The following CDSN variants were observed in gnomAD, a reference collection of about 807,000 sequenced individuals.
CDSN encodes the protein corneodesmosin.
CDSN carries 11 observed loss-of-function variants against 25.6 expected under a neutral mutation model. The observed-to-expected ratio is 0.43, with a 90% CI of 0.27 to 0.71. CDSN has a LOEUF of 0.71. Among genes scored for constraint, CDSN ranks in the 30% least tolerant of loss-of-function variants. The probability of loss-of-function intolerance (pLI) is 0.20; values close to 1 mark genes in which losing one functional copy is unlikely to be tolerated. For synonymous variants in CDSN, 266 were observed against 267.4 expected (o/e 0.99, Z 0.05); for missense variants, 598 against 670.9 (o/e 0.89, Z 1.20).
At chr6:31,119,907 CA>C (rs34300678) in intron 1 of CDSN, among the ~76,000 whole-genome samples, 114,452 of 150,828 alleles carry the variant, frequency 0.76, 43,665 homozygotes, top group South Asian at 0.83. Context: ...CTCCATCTCA[CA>C]AAAAAAAATA....
chr6:31,117,612 C>T (rs1245072839), intron 1 of CDSN, 83 bp from the exon 2 acceptor site: 1 of 1,203,686 alleles, frequency 8.3e-7, no homozygotes. Context: ...AGTCATCGGC[C>T]TCTCGGGTTT....
Position 31,116,416 on chromosome 6 carries a change from C to T in CDSN, c.1199G>A (p.Ser400Asn). 6.3e-7 allele frequency: 1 copy of T among 1,593,346 alleles called. No individual in the cohort carries two copies. The highest frequency in any genetic ancestry group is 1.8e-5 in the Admixed American group (1 of 55,396). The change falls in exon 2 of 2, where the codon AGC becomes AAC. Residue 400 changes from serine to asparagine, a missense_variant. Physicochemically the swap from Ser to Asn is conservative, Grantham distance 46. Transcript: ENST00000376288. ...PCSPSSSRVP[S>N]SSSISSSSGL... is the part of the protein sequence containing the mutation. ...GGAGCTGCTGGAAATGCTAGAACTG[C>T]TGGGGACTCGAGAACTGGAGGGAGA...
At position 31,117,518 on chromosome 6, in the gene CDSN, T is replaced by C; in HGVS notation, c.97A>G (p.Lys33Glu). 6.4e-7 allele frequency: 1 copy of C among 1,550,524 alleles called. No homozygotes were observed. The highest frequency in any genetic ancestry group is 8.7e-7 in the Non-Finnish European group (1 of 1,147,222). Residue 33 changes from lysine to glutamate, a missense_variant, in exon 2 of 2, where the codon AAG (lysine) becomes GAG (glutamate). Coordinates refer to ENST00000376288, the MANE Select transcript of CDSN (RefSeq NM_001264.5). ...AGLLLPGTLAKSIGTFSDPCK... is the reference protein window; with the variant it reads ...AGLLLPGTLAESIGTFSDPCK... ...GGGTCTGAGAAGGTGCCAATGCTCT[T>C]AGCCAAGGTCCCTGTGGAGGAAAGC...
chr6:31,116,922 G>A lies in CDSN; in HGVS notation c.693C>T (p.Pro231=), dbSNP rs762559877. The A allele has an allele frequency of 1.2e-6, 2 of 1,614,166 alleles. No individual in the cohort carries two copies. The highest frequency in any genetic ancestry group is 2.2e-5 in the South Asian group (2 of 91,086). Residue 231 remains proline (P), a synonymous_variant, in exon 2 of 2, where the codon CCC becomes CCT. Transcript: ENST00000376288. Reference sequence around the variant, plus strand: ...TGTAGGGGCCGGAGTGCGAGACGATGGGCCCTCCACTGCAGGGAGAGTCGG... The same window carrying A: ...TGTAGGGGCCGGAGTGCGAGACGATAGGCCCTCCACTGCAGGGAGAGTCGG... ...DIPDSPCSGG[P]IVSHSGPYIP... is the part of the protein sequence containing the mutation.
chr6:31,117,662 A>G, intron 1 of CDSN, 133 bp from the exon 2 acceptor site: 1 of 757,518 alleles, frequency 1.3e-6, no homozygotes, highest in Non-Finnish European at 2.3e-6. Context: ...GGATGGAGAA[A>G]GGAGGAAGAA....
At chr6:31,119,733 A>G (rs550731606) in intron 1 of CDSN, among the ~76,000 whole-genome samples, 1 of 140,422 alleles carries the variant, frequency 7.1e-6, no homozygotes, top group Non-Finnish European at 1.6e-5. Flanking sequence ...CCCTGTTTCT[A>G]CTAAAAATAC....
intron 1 of CDSN, among the ~76,000 whole-genome samples, chr6:31,119,081 C>T (rs181694936): frequency 3.0e-4 from 45 of 151,980 alleles, no homozygotes; most frequent in African/African-American, 1.0e-3. Context: ...TAACCTCAGG[C>T]GATTCACCTG....
intron 1 of CDSN, chr6:31,118,828 T>C (rs906874438): frequency 3.0e-5 from 4 of 132,030 alleles, no homozygotes; most frequent in African/African-American, 1.1e-4. Flanking sequence ...CACCTGGAAG[T>C]TTTTTCTTCT....
intron 1 of CDSN, among the ~76,000 whole-genome samples, chr6:31,119,435 G>A (rs1019296226): frequency 2.0e-5 from 3 of 152,182 alleles, no homozygotes; most frequent in African/African-American, 7.2e-5. Context: ...AGTACCCGGT[G>A]GTCAACAACA....
chr6:31,116,868 A>T lies in CDSN; in HGVS notation c.747T>A (p.Gly249=), dbSNP rs1391503242. The stretch of plus-strand genomic sequence containing the variant: ...CCACCACCACCACCACAGGCCTCTG[A>T]CCCCCTGACACAGAGTGGGAGCTGG... The part of the protein sequence containing the change: ...YIPSSHSVSG[G]QRPVVVVVDQ... Residue 249 remains glycine, a synonymous_variant, in exon 2 of 2, where the codon GGT becomes GGA. Transcript: ENST00000376288. 6.2e-7 allele frequency: 1 copy of T among 1,613,268 alleles called. No homozygotes were observed. The highest frequency in any genetic ancestry group is 8.5e-7 in the Non-Finnish European group (1 of 1,179,786).
At position 31,116,483 on chromosome 6, in the gene CDSN, G is replaced by A. The variant is rs1415563407; in HGVS notation, c.1132C>T (p.Gln378Ter). The change falls in exon 2 of 2, where the codon CAG (glutamine) becomes TAG (stop). Residue 378 changes from glutamine (Q) to a stop codon, truncating the protein, a stop_gained. Transcript: ENST00000376288. LOFTEE classifies it high-confidence loss of function. ...AFQPVGTGGV[Q>*]LCGGGSTGSK... ...CCCGTGGAGCCGCCTCCACAGAGCTGGACCCCACCAGTCCCCACTGGCTGG... is the reference window on the plus strand; with the variant it reads ...CCCGTGGAGCCGCCTCCACAGAGCTAGACCCCACCAGTCCCCACTGGCTGG... The A allele has an allele frequency of 1.2e-6, 2 of 1,605,880 alleles. No homozygotes were observed. The highest frequency in any genetic ancestry group is 1.7e-5 in the Admixed American group (1 of 58,320).
Position 31,116,139 on chromosome 6 carries a change from T to C in CDSN, c.1476A>G (p.Gly492=), listed in dbSNP as rs1313661661. The C allele has an allele frequency of 6.2e-7, 1 of 1,611,190 alleles. No homozygotes were observed. The highest frequency in any genetic ancestry group is 2.2e-5 in the East Asian group (1 of 44,818). The part of the protein sequence containing the change: ...GAKPCGSSSA[G]KIPCRSIRDI... ...CCCGGATGGAGCGGCAGGGGATCTT[T>C]CCAGCACTGCTGGAGCCACAGGGCT... Residue 492 remains glycine (G), a synonymous_variant, in exon 2 of 2, where the codon GGA becomes GGG. Coordinates refer to ENST00000376288, the MANE Select transcript of CDSN (RefSeq NM_001264.5).
chr6:31,120,270 G>A (rs149867417), intron 1 of CDSN, 65 bp downstream of exon 1: 54 of 1,283,546 alleles, frequency 4.2e-5, no homozygotes, highest in Non-Finnish European at 5.2e-5. Context: ...TGTCCCCTTC[G>A]CTGGGTCCTC....
chr6:31,116,486 C>A lies in CDSN; in HGVS notation c.1129G>T (p.Val377Phe). The change falls in exon 2 of 2, where the codon GTC (valine) becomes TTC (phenylalanine). Residue 377 changes from valine (V) to phenylalanine (F), a missense_variant. By Grantham distance (50) the Val-to-Phe change is conservative. Transcript: ENST00000376288. ...IAFQPVGTGGVQLCGGGSTGS... is the reference protein window; with the variant it reads ...IAFQPVGTGGFQLCGGGSTGS... ...GTGGAGCCGCCTCCACAGAGCTGGACCCCACCAGTCCCCACTGGCTGGAAT... is the reference window on the plus strand; with the variant it reads ...GTGGAGCCGCCTCCACAGAGCTGGAACCCACCAGTCCCCACTGGCTGGAAT... 1 of 1,606,362 alleles carries A rather than the reference C, an allele frequency of 6.2e-7. No individual in the cohort carries two copies. The highest frequency in any genetic ancestry group is 8.5e-7 in the Non-Finnish European group (1 of 1,176,208).
At position 31,116,511 on chromosome 6, in the gene CDSN, T is replaced by C. The variant is rs1042126; in HGVS notation, c.1104A>G (p.Ala368=). 830,661 of 1,610,486 alleles carry C rather than the reference T, an allele frequency of 0.52. 219,415 individuals are homozygous for C. The highest frequency in any genetic ancestry group is 0.69 in the East Asian group (30,652 of 44,746). The change falls in exon 2 of 2, where the codon GCA becomes GCG. Residue 368 remains alanine (A), a synonymous_variant. Coordinates refer to ENST00000376288, the MANE Select transcript of CDSN (RefSeq NM_001264.5). ...PSQSAASSAI[A]FQPVGTGGVQ... ...CCCCACCAGTCCCCACTGGCTGGAATGCAATGGCCGAGGAAGCTGCCGACT... is the reference window on the plus strand; with the variant it reads ...CCCCACCAGTCCCCACTGGCTGGAACGCAATGGCCGAGGAAGCTGCCGACT...
In CDSN at chr6:31,117,457, T is replaced by G; in HGVS notation, c.158A>C (p.Asp53Ala). The change falls in exon 2 of 2, where the codon GAC becomes GCC. Residue 53 changes from aspartate to alanine, a missense_variant. Asp to Ala is a moderately radical substitution (Grantham distance 126). Coordinates refer to ENST00000376288, the MANE Select transcript of CDSN (RefSeq NM_001264.5). The stretch of plus-strand genomic sequence containing the variant: ...GTCACCCTTCCCAGTGAGGCAGGGG[T>G]CGTTAGGGGAGGTGATACGCGTGGG... ...KDPTRITSPNDPCLTGKGDSS... is the reference protein window; with the variant it reads ...KDPTRITSPNAPCLTGKGDSS... The G allele has an allele frequency of 6.4e-7, 1 of 1,555,112 alleles. No homozygotes were observed. The highest frequency in any genetic ancestry group is 8.7e-7 in the Non-Finnish European group (1 of 1,149,712).
intron 1 of CDSN, 87 bp downstream of exon 1, chr6:31,120,248 A>G: frequency 9.4e-7 from 1 of 1,060,732 alleles, no homozygotes; most frequent in Non-Finnish European, 1.4e-6. Context: ...GGCAGATTCC[A>G]GAGCCCCTGC....
Position 31,115,956 on chromosome 6 carries a change from C to CT in CDSN, c.*68dup. The CT allele has an allele frequency of 7.1e-7, 1 of 1,412,028 alleles. No individual in the cohort carries two copies. The highest frequency in any genetic ancestry group is 1.0e-6 in the Non-Finnish European group (1 of 1,001,314). The allele number at this position is 1,412,028 out of a possible 1,614,324, so 87.5% of individuals were successfully genotyped here. A position where few individuals can be genotyped will look rare whatever the true frequency, so the allele number is the denominator to read the frequency against. On this transcript the variant is annotated 3_prime_UTR_variant, in exon 2 of 2. Coordinates refer to ENST00000376288, the MANE Select transcript of CDSN (RefSeq NM_001264.5). The surrounding 1 kb of genome is among the most constrained non-coding windows in gnomAD (Gnocchi z 4.2). Reference sequence around the variant, plus strand: ...AACCCTATGCCTGGGCACTGGACTTCTCCCATATGGGATATAGTGTATGTG... The same window carrying CT: ...AACCCTATGCCTGGGCACTGGACTTCTTCCCATATGGGATATAGTGTATGTG...
At position 31,116,447 on chromosome 6, in the gene CDSN, G is replaced by C; in HGVS notation, c.1168C>G (p.Pro390Ala). ...CGGGSTGSKG[P>A]CSPSSSRVPS... ...ACTCGAGAACTGGAGGGAGAGCAGG[G>C]TCCCTTGGAGCCCGTGGAGCCGCCT... The change falls in exon 2 of 2, where the codon CCC (proline) becomes GCC (alanine). Residue 390 changes from proline to alanine, a missense_variant. Transcript: ENST00000376288. 8 of 1,591,414 alleles carry C rather than the reference G, an allele frequency of 5.0e-6. No individual in the cohort carries two copies. Among genetic ancestry groups the C allele is most frequent in the Non-Finnish European group, 6.8e-6 (8 of 1,168,632 alleles).
Sources: gnomAD v4.1 joint callset for allele counts (sites outside exome capture counted in the v4.1 genomes callset) on GRCh38, gnomAD v4.1.1 for gene constraint, Gnocchi (gnomAD v3.1) non-coding constraint, MANE v1.5 for transcripts, NCBI Gene and HGNC (gene_info 2026-07-23, HGNC 2026-07-21) for gene names.